The following DPYSL2 variants were observed in gnomAD, a reference collection of about 807,000 sequenced individuals.
The protein encoded by DPYSL2 is dihydropyrimidinase like 2.
Under a neutral mutation model 69.9 loss-of-function variants are expected in DPYSL2, and 13 were observed. The observed-to-expected ratio is 0.19, with a 90% CI of 0.12 to 0.30. DPYSL2 has a LOEUF of 0.30. DPYSL2 is among the 10% of genes least tolerant of loss of function. The pLI is 1.00. For synonymous variants in DPYSL2, 326 were observed against 359.1 expected (o/e 0.91, Z 1.04); for missense variants, 587 against 918.9 (o/e 0.64, Z 4.67).
rs1802866252 is a variant in DPYSL2 at position 26,634,795 on chromosome 8, G to A, written c.1021G>A (p.Val341Met). Residue 341 changes from valine to methionine, a missense_variant, in exon 8 of 14, where the codon GTG (valine) becomes ATG (methionine). By Grantham distance (21) the Val-to-Met change is conservative. Coordinates refer to ENST00000521913, the MANE Select transcript of DPYSL2 (RefSeq NM_001197293.3). ...TGTTTTGCAGGTCGAGGCCGAAGCC[G>A]TGAATCGTGCCATCACCATCGCCAA... ...SRPEEVEAEA[V>M]NRAITIANQT... The A allele has an allele frequency of 2.5e-6, 4 of 1,614,220 alleles. No individual in the cohort carries two copies. The highest frequency in any genetic ancestry group is 2.2e-5 in the East Asian group (1 of 44,888).
Position 26,626,815 on chromosome 8 carries a change from T to A in DPYSL2, c.855+137T>A. The A allele has an allele frequency of 1.1e-6, 1 of 886,380 alleles. No individual in the cohort carries two copies. The allele number at this position is 886,380 out of a possible 1,614,324, so 54.9% of individuals were successfully genotyped here. ...TGGCTGGTGGATGCAGTTACTGATG[T>A]AACTGAGCCTTGGAAGAGAGTATGA... On this transcript the variant is annotated intron_variant, in intron 5 of 13. Transcript: ENST00000521913. The surrounding 1 kb of genome is among the most constrained non-coding windows in gnomAD (Gnocchi z 4.3).
At position 26,626,189 on chromosome 8, in the gene DPYSL2, A is replaced by T. The variant is rs1324629088; in HGVS notation, c.794-428A>T. 6.6e-6 allele frequency among the ~76,000 whole-genome samples: 1 copy of T among 152,178 alleles called. No homozygotes were observed. Among genetic ancestry groups the T allele is most frequent in the Non-Finnish European group, 1.5e-5 (1 of 68,044 alleles). ...TGTCTTTCCTTTTTAAAGGCTGAATAATATTCCATTGTATGGATAGACCAC... is the reference window on the plus strand; with the variant it reads ...TGTCTTTCCTTTTTAAAGGCTGAATTATATTCCATTGTATGGATAGACCAC... On this transcript the variant is annotated intron_variant, in intron 4 of 13. Coordinates refer to ENST00000521913, the MANE Select transcript of DPYSL2 (RefSeq NM_001197293.3). This position sits in a 1 kb window ranked among gnomAD's most constrained non-coding sequence, Gnocchi z 4.3.
chr8:26,645,968 C>T (rs1803154891), intron 10 of DPYSL2, among the ~76,000 whole-genome samples: 1 of 152,146 alleles, frequency 6.6e-6, no homozygotes, highest in East Asian at 1.9e-4. Flanking sequence ...CGGGTTCACG[C>T]AATTCTCTTG....
chr8:26,584,730 C>G (rs1467749964), intron 3 of DPYSL2, among the ~76,000 whole-genome samples: 1 of 150,954 alleles, frequency 6.6e-6, no homozygotes, highest in African/African-American at 2.5e-5. Flanking sequence ...AGTGATTCTC[C>G]TGGCTCAGCC....
chr8:26,626,480 GAAACACACACACAC>G lies in DPYSL2; in HGVS notation c.794-135_794-122del. On this transcript the variant is annotated intron_variant, in intron 4 of 13. Transcript: ENST00000521913. This position sits in a 1 kb window ranked among gnomAD's most constrained non-coding sequence, Gnocchi z 4.3. Reference sequence around the variant, plus strand: ...TCTCTCCTCTCTCTTTCTCTGTACTGAAACACACACACACACACACACACACACACACACACACA... The same window carrying G: ...TCTCTCCTCTCTCTTTCTCTGTACTGACACACACACACACACACACACACA... The G allele has an allele frequency of 1.6e-6, 1 of 621,378 alleles. No homozygotes were observed. Among genetic ancestry groups the G allele is most frequent in the Non-Finnish European group, 2.5e-6 (1 of 398,476 alleles). 38.5% of individuals were successfully genotyped at this position (621,378 alleles called of 1,614,324 possible).
At chr8:26,561,273 T>G (rs1219226227) in intron 1 of DPYSL2, among the ~76,000 whole-genome samples, 4 of 152,094 alleles carry the variant, frequency 2.6e-5, no homozygotes, top group Non-Finnish European at 5.9e-5. Flanking sequence ...CACTCCTGAG[T>G]CTTCTTTGCA....
Position 26,541,502 on chromosome 8 carries a change from A to T in DPYSL2, c.354+26823A>T, listed in dbSNP as rs568298574. Among the ~76,000 whole-genome samples the T allele has an allele frequency of 3.9e-5, 6 of 152,366 alleles. No individual in the cohort carries two copies. In the South Asian group the frequency reaches 1.2e-3, roughly 32 times the overall value. On this transcript the variant is annotated intron_variant, in intron 1 of 13. Transcript: ENST00000521913. ...AACAGCAACACACACACATAAGCAT[A>T]TGAAAGCATAAATCACACAGGGAAA...
chr8:26,532,743 A>G (rs929037309), intron 1 of DPYSL2, among the ~76,000 whole-genome samples: 2 of 152,338 alleles, frequency 1.3e-5, no homozygotes, highest in African/African-American at 4.8e-5. Flanking sequence ...TTGTATGGAT[A>G]TAATACCTGT....
rs1800540594 is a variant in DPYSL2, at chr8:26,533,291, T to G, written c.354+18612T>G. The stretch of plus-strand genomic sequence containing the variant: ...TGGATACTACATCCTTAATATATAT[T>G]ATTTTTTTCTCCTGCTCTGTGGATT... On this transcript the variant is annotated intron_variant, in intron 1 of 13. Coordinates refer to ENST00000521913, the MANE Select transcript of DPYSL2 (RefSeq NM_001197293.3). The surrounding 1 kb of genome is among the most constrained non-coding windows in gnomAD (Gnocchi z 4.8). 6.6e-6 allele frequency among the ~76,000 whole-genome samples: 1 copy of G among 152,218 alleles called. No individual in the cohort carries two copies. The highest frequency in any genetic ancestry group is 2.1e-4 in the South Asian group (1 of 4,830).
Position 26,624,068 on chromosome 8 carries a change from C to A in DPYSL2, c.629-75C>A. The A allele has an allele frequency of 6.5e-7, 1 of 1,542,930 alleles. No homozygotes were observed. The highest frequency in any genetic ancestry group is 8.9e-7 in the Non-Finnish European group (1 of 1,129,238). Reference sequence around the variant, plus strand: ...AACCCAAGAAGCCTTATTCAGGGTTCAAGTGGGAAAATACCTGCTGGCCCA... The same window carrying A: ...AACCCAAGAAGCCTTATTCAGGGTTAAAGTGGGAAAATACCTGCTGGCCCA... On this transcript the variant is annotated intron_variant, in intron 3 of 13. Transcript: ENST00000521913. This position sits in a 1 kb window ranked among gnomAD's most constrained non-coding sequence, Gnocchi z 4.7.
intron 1 of DPYSL2, among the ~76,000 whole-genome samples, chr8:26,558,438 G>A (rs1362522587): frequency 2.6e-5 from 4 of 152,286 alleles, no homozygotes; most frequent in African/African-American, 9.6e-5. Context: ...GGGGTGAGTG[G>A]AAGAGAGCAA....
intron 3 of DPYSL2, among the ~76,000 whole-genome samples, chr8:26,604,014 G>A (rs917886218): frequency 1.3e-5 from 2 of 152,074 alleles, no homozygotes; most frequent in East Asian, 1.9e-4. Context: ...TGGAATTGCC[G>A]CATCATACGG....
At chr8:26,578,120 C>A in intron 1 of DPYSL2, 1 of 1,539,698 alleles carries the variant, frequency 6.5e-7, no homozygotes, top group Non-Finnish European at 8.7e-7. Flanking sequence ...AATAGCAAGA[C>A]CAGCGAAGCG....
intron 3 of DPYSL2, among the ~76,000 whole-genome samples, chr8:26,592,298 G>A (rs534162132): frequency 6.6e-6 from 1 of 152,062 alleles, no homozygotes; most frequent in Non-Finnish European, 1.5e-5. Context: ...GACTGTAGGT[G>A]TGCACCACTA....
intron 1 of DPYSL2, among the ~76,000 whole-genome samples, chr8:26,554,511 T>C (rs1800914551): frequency 6.6e-6 from 1 of 152,222 alleles, no homozygotes; most frequent in Admixed American, 6.5e-5. Flanking sequence ...GCAGAAACTC[T>C]TAAGTTTAAT....
intron 1 of DPYSL2, among the ~76,000 whole-genome samples, chr8:26,557,795 C>G (rs1033555649): frequency 2.6e-5 from 4 of 151,624 alleles, no homozygotes; most frequent in African/African-American, 9.7e-5. Context: ...CTAAAACAAA[C>G]AAACAAACAA....
rs1802565103 is a variant in DPYSL2 at position 26,624,218 on chromosome 8, A to G, written c.704A>G (p.Lys235Arg). 1 of 1,614,024 alleles carries G rather than the reference A, an allele frequency of 6.2e-7. No individual in the cohort carries two copies. Among genetic ancestry groups the G allele is most frequent in the Admixed American group, 1.7e-5 (1 of 59,990 alleles). The stretch of plus-strand genomic sequence containing the variant: ...CAGTGGAGGGAATGGGCCGACAGCA[A>G]GTCCTGCTGTGACTACTCTCTGCAT... ...FDQWREWADS[K>R]SCCDYSLHVD... is the part of the protein sequence containing the mutation. Residue 235 changes from lysine (K) to arginine (R), a missense_variant, in exon 4 of 14, where the codon AAG (lysine) becomes AGG (arginine). Coordinates refer to ENST00000521913, the MANE Select transcript of DPYSL2 (RefSeq NM_001197293.3). The surrounding 1 kb of genome is among the most constrained non-coding windows in gnomAD (Gnocchi z 4.7).
chr8:26,634,723 G>T (rs1802861234), intron 7 of DPYSL2, 57 bp from the exon 8 acceptor site: 5 of 1,611,628 alleles, frequency 3.1e-6, no homozygotes, highest in African/African-American at 1.3e-5. Flanking sequence ...GAGGATAAAG[G>T]TAGCGGCTCG....
Position 26,565,233 on chromosome 8 carries a change from G to A in DPYSL2, c.355-16736G>A, listed in dbSNP as rs192771038. Among the ~76,000 whole-genome samples the A allele has an allele frequency of 6.7e-6, 1 of 148,726 alleles. No individual in the cohort carries two copies. The highest frequency in any genetic ancestry group is 2.0e-4 in the East Asian group (1 of 4,906). On this transcript the variant is annotated intron_variant, in intron 1 of 13. Transcript: ENST00000521913. This position sits in a 1 kb window ranked among gnomAD's most constrained non-coding sequence, Gnocchi z 4.1. Reference sequence around the variant, plus strand: ...TATTTGTGCAACTGTGACTTGTGCTGCAATAAACATAGGAGTGCAGGTGTC... The same window carrying A: ...TATTTGTGCAACTGTGACTTGTGCTACAATAAACATAGGAGTGCAGGTGTC...
Sources: allele counts gnomAD v4.1 joint callset (sites outside exome capture counted in the v4.1 genomes callset), GRCh38; gene constraint gnomAD v4.1.1; non-coding constraint Gnocchi (gnomAD v3.1); transcripts MANE v1.5; gene names NCBI Gene and HGNC (gene_info 2026-07-23, HGNC 2026-07-21).